PILRA: variants seen among roughly 807,000 people sequenced by gnomAD.
PILRA encodes paired immunoglobin like type 2 receptor alpha, also known as paired immunoglobulin-like type 2 receptor alpha.
In PILRA, 37 loss-of-function variants were observed where a neutral mutation model predicts 33.1. The observed-to-expected ratio is 1.12, with a 90% CI of 0.86 to 1.47. The LOEUF (loss-of-function observed/expected upper bound fraction) is 1.47. Ranked by LOEUF, PILRA falls within the 40% of genes most tolerant of loss-of-function variation. PILRA has a pLI of 0.00. For synonymous variants in PILRA, 146 were observed against 149.9 expected (o/e 0.97, Z 0.19); for missense variants, 312 against 376.2 (o/e 0.83, Z 1.41).
chr7:100,373,348 C>T, upstream of PILRA: 2 of 541,772 alleles, frequency 3.7e-6, no homozygotes, highest in South Asian at 2.4e-5. Flanking sequence ...TCAGGCCCAG[C>T]CCCCCAAGGT....
At chr7:100,378,611 A>G (rs1459183869) in intron 2 of PILRA, among the ~76,000 whole-genome samples, 1 of 151,862 alleles carries the variant, frequency 6.6e-6, no homozygotes, top group Non-Finnish European at 1.5e-5. Context: ...AACATCATAT[A>G]AATGTCTCAT....
At chr7:100,397,590 T>A (rs1355954793) in intron 3 of PILRA, among the ~76,000 whole-genome samples, 1 of 150,696 alleles carries the variant, frequency 6.6e-6, no homozygotes. Flanking sequence ...GGCTCAGCGG[T>A]GGAGGGAGCC....
At chr7:100,383,382 C>A (rs1791164633) in intron 2 of PILRA, among the ~76,000 whole-genome samples, 2 of 152,256 alleles carry the variant, frequency 1.3e-5, no homozygotes, top group Admixed American at 6.5e-5. Context: ...GAACTGGGAG[C>A]AGACCTGGAG....
chr7:100,382,665 C>T (rs1791137588), intron 2 of PILRA, among the ~76,000 whole-genome samples: 1 of 152,334 alleles, frequency 6.6e-6, no homozygotes, highest in East Asian at 1.9e-4. Context: ...CCCCCCTGAG[C>T]AGTATCAACT....
At chr7:100,397,413 A>G (rs1791521973) in intron 3 of PILRA, among the ~76,000 whole-genome samples, 1 of 151,346 alleles carries the variant, frequency 6.6e-6, no homozygotes, top group South Asian at 2.1e-4. Context: ...GAATTTGAAC[A>G]GCCACAAACA....
chr7:100,390,105 A>G lies in PILRA; in HGVS notation c.672A>G (p.Lys224=). ...LICLLRWRRR[K]GQQRTKATTP... ...GCCTCCTCAGGTGGAGGAGAAGGAA[A>G]GGTAAGTGCCCAGGACCCGCCCTCT... The change falls in exon 3 of 7, where the codon AAA becomes AAG. Residue 224 remains lysine, a splice_region_variant and synonymous_variant. Coordinates refer to ENST00000198536, the MANE Select transcript of PILRA (RefSeq NM_013439.3). The G allele has an allele frequency of 6.2e-7, 1 of 1,613,636 alleles. No homozygotes were observed.
chr7:100,376,585 C>T (rs1470692262), intron 2 of PILRA, among the ~76,000 whole-genome samples: 2 of 140,594 alleles, frequency 1.4e-5, no homozygotes, highest in East Asian at 4.3e-4. Context: ...CAGGTTCAAG[C>T]GATTCTCCCG....
Position 100,399,796 on chromosome 7 carries a change from C to T in PILRA, c.801C>T (p.Ile267=), listed in dbSNP as rs80194846. The change falls in exon 7 of 7, where the codon ATC becomes ATT. Residue 267 remains isoleucine (I), a synonymous_variant. Coordinates refer to ENST00000198536, the MANE Select transcript of PILRA (RefSeq NM_013439.3). The part of the protein sequence containing the change: ...DPKLNPKDDG[I]VYASLALSSS... ...GGGTTCTCGCCCAGGATGACGGCAT[C>T]GTCTATGCTTCCCTTGCCCTCTCCA... 321 of 1,611,070 alleles carry T rather than the reference C, an allele frequency of 2.0e-4. 3 individuals carry two copies. The East Asian group carries it at 6.4e-3, about 32-fold the overall frequency.
intron 2 of PILRA, among the ~76,000 whole-genome samples, chr7:100,384,429 A>ATT (rs1157446711): frequency 1.4e-4 from 19 of 134,194 alleles, no homozygotes; most frequent in African/African-American, 1.7e-4. Flanking sequence ...AAAAAAAAAA[A>ATT]TTTTTTTTTT....
At chr7:100,380,393 C>G (rs1424983000) in intron 2 of PILRA, among the ~76,000 whole-genome samples, 1 of 152,192 alleles carries the variant, frequency 6.6e-6, no homozygotes, top group African/African-American at 2.4e-5. Flanking sequence ...TCCTTCTACT[C>G]AGAAAGCTAA....
intron 3 of PILRA, among the ~76,000 whole-genome samples, chr7:100,390,365 C>A (rs1791364995): frequency 6.6e-6 from 1 of 152,114 alleles, no homozygotes; most frequent in South Asian, 2.1e-4. Context: ...AGTCATCACT[C>A]ATCTACCTCC....
At chr7:100,381,146 G>C (rs1275633276) in intron 2 of PILRA, among the ~76,000 whole-genome samples, 1 of 149,442 alleles carries the variant, frequency 6.7e-6, no homozygotes, top group African/African-American at 2.5e-5. Flanking sequence ...GGCACCTGTA[G>C]TCCCAGCTAC....
chr7:100,398,256 C>T (rs1022752326), intron 4 of PILRA, among the ~76,000 whole-genome samples: 1 of 152,138 alleles, frequency 6.6e-6, no homozygotes, highest in African/African-American at 2.4e-5. Flanking sequence ...CTGGATCTTC[C>T]AGCTTTTCCA....
intron 4 of PILRA, 150 bp downstream of exon 4, chr7:100,398,062 C>A: frequency 1.3e-6 from 1 of 744,552 alleles, no homozygotes. Flanking sequence ...CCTTGTTCTC[C>A]TTTGTCCTCT....
chr7:100,389,420 T>A (rs1791326034), intron 2 of PILRA, among the ~76,000 whole-genome samples: 1 of 152,230 alleles, frequency 6.6e-6, no homozygotes, highest in African/African-American at 2.4e-5. Context: ...GTTACCTGTA[T>A]TGGCAACAAT....
chr7:100,372,841 G>C (rs1399970269), upstream of PILRA, among the ~76,000 whole-genome samples: 1 of 151,800 alleles, frequency 6.6e-6, no homozygotes, highest in Non-Finnish European at 1.5e-5. Flanking sequence ...CTGGGGCAGG[G>C]CTTCTCAGAG....
chr7:100,394,502 A>G (rs1457007487), intron 3 of PILRA, among the ~76,000 whole-genome samples: 2 of 151,822 alleles, frequency 1.3e-5, no homozygotes, highest in African/African-American at 4.8e-5. Flanking sequence ...GGCCAGGCAC[A>G]AGAATCACTC....
In PILRA at chr7:100,384,220, G is replaced by A. The variant is rs982855137; in HGVS notation, c.455-5668G>A. Reference sequence around the variant, plus strand: ...GGACAGAATTGCCATTTACTGAGTGGGGGAAACGGAAGAACGGGTTTAGGG... The same window carrying A: ...GGACAGAATTGCCATTTACTGAGTGAGGGAAACGGAAGAACGGGTTTAGGG... On this transcript the variant is annotated intron_variant, in intron 2 of 6. Coordinates refer to ENST00000198536, the MANE Select transcript of PILRA (RefSeq NM_013439.3). Among the ~76,000 whole-genome samples, 8 of 152,056 alleles carry A rather than the reference G, an allele frequency of 5.3e-5. No individual in the cohort carries two copies. In the East Asian group the frequency reaches 7.8e-4, roughly 15 times the overall value.
intron 3 of PILRA, among the ~76,000 whole-genome samples, chr7:100,391,758 A>G (rs983650585): frequency 1.3e-5 from 2 of 152,226 alleles, no homozygotes; most frequent in Non-Finnish European, 2.9e-5. Flanking sequence ...CCCTGTTTCC[A>G]CTTGAGTGGA....
Sources: allele counts gnomAD v4.1 joint callset (sites outside exome capture counted in the v4.1 genomes callset), GRCh38; gene constraint gnomAD v4.1.1; transcripts MANE v1.5; gene names NCBI Gene and HGNC (gene_info 2026-07-23, HGNC 2026-07-21).